Variants in SMYD3 observed in about 807,000 individuals in gnomAD.
The protein encoded by SMYD3 is SET and MYND domain containing 3, also known as histone-lysine N-methyltransferase SMYD3.
Under a neutral mutation model 57.7 loss-of-function variants are expected in SMYD3, and 36 were observed. The observed-to-expected ratio is 0.62, with a 90% CI of 0.48 to 0.82. The LOEUF (loss-of-function observed/expected upper bound fraction) is 0.82. SMYD3 is among the 40% of genes least tolerant of loss of function. The pLI, the probability that SMYD3 is intolerant of heterozygous loss-of-function variation, is 0.00. For missense variants in SMYD3, 515 were observed against 538.8 expected, an observed-to-expected ratio of 0.96 and a Z score of 0.44; for synonymous variants, 211 against 195.0, an observed-to-expected ratio of 1.08 and a Z score of -0.68.
intron 5 of SMYD3, among the ~76,000 whole-genome samples, chr1:246,003,341 C>T (rs765345708): frequency 1.3e-5 from 2 of 152,188 alleles, no homozygotes; most frequent in Non-Finnish European, 2.9e-5. Context: ...TCTGGTGGAG[C>T]GGTGGGACTT....
rs140033691 is a variant in SMYD3 at position 245,864,991 on chromosome 1, A to T, written c.814-1105T>A. Among the ~76,000 whole-genome samples, 3 of 152,360 alleles carry T rather than the reference A, an allele frequency of 2.0e-5. No individual in the cohort carries two copies. In the East Asian group the frequency reaches 5.8e-4, roughly 29 times the overall value. ...GTATGAAATGTCTGCCCTCCTATTC[A>T]GTAAGCAGGTCCTCTGCTTCCGGTT... On this transcript the variant is annotated intron_variant, in intron 8 of 11. Transcript: ENST00000490107.
intron 2 of SMYD3, among the ~76,000 whole-genome samples, chr1:246,343,142 A>G (rs1018363117): frequency 6.6e-6 from 1 of 152,242 alleles, no homozygotes; most frequent in African/African-American, 2.4e-5. Flanking sequence ...CTTTACAGAA[A>G]TTAGCCAATG....
intron 1 of SMYD3, among the ~76,000 whole-genome samples, chr1:246,460,774 C>T (rs2067785959): frequency 6.6e-6 from 1 of 152,168 alleles, no homozygotes; most frequent in Admixed American, 6.5e-5. Context: ...TTAAACATTC[C>T]GTCTTGTTTA....
At chr1:246,502,489 T>C (rs1400716068) in intron 1 of SMYD3, among the ~76,000 whole-genome samples, 2 of 152,208 alleles carry the variant, frequency 1.3e-5, no homozygotes, top group African/African-American at 2.4e-5. Flanking sequence ...ATTTTTTCTA[T>C]AATTAATCTA....
At chr1:246,083,328 T>C (rs2147849746) in intron 5 of SMYD3, among the ~76,000 whole-genome samples, 1 of 152,332 alleles carries the variant, frequency 6.6e-6, no homozygotes, top group Non-Finnish European at 1.5e-5. Context: ...GATGTTTATG[T>C]ATATGCACAT....
chr1:246,138,769 TA>T (rs1375171348), intron 5 of SMYD3, among the ~76,000 whole-genome samples: 1 of 152,080 alleles, frequency 6.6e-6, no homozygotes, highest in Non-Finnish European at 1.5e-5. Context: ...GCACAGTACC[TA>T]AATTTCTTTG....
At chr1:246,374,251 C>G (rs960959417) in intron 1 of SMYD3, among the ~76,000 whole-genome samples, 5 of 152,186 alleles carry the variant, frequency 3.3e-5, no homozygotes, top group African/African-American at 4.8e-5. Context: ...ACACTCACTT[C>G]TCATTATTCA....
chr1:246,125,670 AC>A (rs1191576214), intron 5 of SMYD3, among the ~76,000 whole-genome samples: 2 of 152,184 alleles, frequency 1.3e-5, no homozygotes, highest in Non-Finnish European at 2.9e-5. Context: ...ATAATAAAAG[AC>A]CCTTTGGTAA....
At chr1:246,329,203 C>G (rs1407902521) in intron 4 of SMYD3, among the ~76,000 whole-genome samples, 5 of 152,146 alleles carry the variant, frequency 3.3e-5, no homozygotes, top group Non-Finnish European at 7.4e-5. Context: ...TGGGTATATA[C>G]CCAGTAATGG....
chr1:246,434,784 T>A (rs2067346137), intron 1 of SMYD3, among the ~76,000 whole-genome samples: 1 of 152,208 alleles, frequency 6.6e-6, no homozygotes, highest in Non-Finnish European at 1.5e-5. Flanking sequence ...GACCCAGCAA[T>A]GCCATTAGTA....
chr1:245,891,451 G>A (rs576643336), intron 8 of SMYD3, among the ~76,000 whole-genome samples: 2 of 152,324 alleles, frequency 1.3e-5, no homozygotes, highest in East Asian at 1.9e-4. Context: ...TGCAGAGACA[G>A]CCCAGGATGA....
At chr1:246,106,265 A>G (rs1287997629) in intron 5 of SMYD3, among the ~76,000 whole-genome samples, 1 of 152,208 alleles carries the variant, frequency 6.6e-6, no homozygotes, top group African/African-American at 2.4e-5. Context: ...TCAAAAGACC[A>G]CGACGGCAGC....
At chr1:246,108,414 C>A (rs2061169195) in intron 5 of SMYD3, among the ~76,000 whole-genome samples, 1 of 152,142 alleles carries the variant, frequency 6.6e-6, no homozygotes, top group African/African-American at 2.4e-5. Flanking sequence ...AGAGATCACA[C>A]CCTCACACAA....
intron 1 of SMYD3, among the ~76,000 whole-genome samples, chr1:246,417,956 G>C (rs924425934): frequency 6.6e-6 from 1 of 152,196 alleles, no homozygotes; most frequent in Non-Finnish European, 1.5e-5. Flanking sequence ...CAGATAGTCA[G>C]CTTCTGGGGT....
rs1369843382 is a variant in SMYD3 at position 246,335,441 on chromosome 1, T to G, written c.262A>C (p.Lys88Gln). 1.2e-6 allele frequency: 2 copies of G among 1,614,188 alleles called. No individual in the cohort carries two copies. The highest frequency in any genetic ancestry group is 3.3e-5 in the Admixed American group (2 of 60,026). Reference sequence around the variant, plus strand: ...CTGGGTTTGCAGCTTTTAAGGCATTTGCATTCCCGCTTGTGGTCTGGCCAA... The same window carrying G: ...CTGGGTTTGCAGCTTTTAAGGCATTGGCATTCCCGCTTGTGGTCTGGCCAA... ...KAWPDHKRECKCLKSCKPRYP... is the reference protein window; with the variant it reads ...KAWPDHKRECQCLKSCKPRYP... The change falls in exon 3 of 12, where the codon AAA (lysine) becomes CAA (glutamine). Residue 88 changes from lysine (K) to glutamine (Q), a missense_variant. Lys to Gln is a moderately conservative substitution (Grantham distance 53, BLOSUM62 1). Coordinates refer to ENST00000490107, the MANE Select transcript of SMYD3 (RefSeq NM_001167740.2).
intron 8 of SMYD3, among the ~76,000 whole-genome samples, chr1:245,889,162 A>G (rs1446375325): frequency 5.3e-5 from 8 of 152,222 alleles, no homozygotes; most frequent in Admixed American, 4.6e-4. Context: ...GTCATGTTTT[A>G]AAGGCTTTGA....
At chr1:245,887,697 G>T (rs2053165414) in intron 8 of SMYD3, among the ~76,000 whole-genome samples, 1 of 152,114 alleles carries the variant, frequency 6.6e-6, no homozygotes, top group Non-Finnish European at 1.5e-5. Flanking sequence ...CTTCAAACAG[G>T]CTTCCAGTAA....
intron 5 of SMYD3, among the ~76,000 whole-genome samples, chr1:246,132,002 A>G (rs1253574233): frequency 1.3e-5 from 2 of 152,186 alleles, no homozygotes; most frequent in Non-Finnish European, 2.9e-5. Flanking sequence ...CCCAAACAGT[A>G]TAGACTGAAA....
At chr1:246,421,324 C>A (rs993513688) in intron 1 of SMYD3, among the ~76,000 whole-genome samples, 1 of 151,732 alleles carries the variant, frequency 6.6e-6, no homozygotes, top group Non-Finnish European at 1.5e-5. Flanking sequence ...AATAAAGTGC[C>A]ATTACTAATT....
Sources: gnomAD v4.1 joint callset for allele counts (sites outside exome capture counted in the v4.1 genomes callset) on GRCh38, gnomAD v4.1.1 for gene constraint, MANE v1.5 for transcripts, NCBI Gene and HGNC (gene_info 2026-07-23, HGNC 2026-07-21) for gene names.